Variants in RABGAP1L observed in about 807,000 individuals in gnomAD.
RABGAP1L encodes the protein RAB GTPase activating protein 1 like.
A neutral mutation model predicts 137.7 loss-of-function variants in RABGAP1L; 63 were observed. The observed-to-expected ratio is 0.46, with a 90% CI of 0.37 to 0.56. The LOEUF is 0.56. Among genes scored for constraint, RABGAP1L ranks in the 20% least tolerant of loss-of-function variants. The pLI, the probability that RABGAP1L is intolerant of heterozygous loss-of-function variation, is 0.00. For missense variants in RABGAP1L, 1,095 were observed against 1,244.0 expected, an observed-to-expected ratio of 0.88 and a Z score of 1.80; for synonymous variants, 431 against 433.7, an observed-to-expected ratio of 0.99 and a Z score of 0.08.
intron 19 of RABGAP1L, among the ~76,000 whole-genome samples, chr1:174,927,390 ATTTC>A (rs1207541600): frequency 6.6e-6 from 1 of 152,000 alleles, no homozygotes; most frequent in African/African-American, 2.4e-5. Context: ...TTATAGTAAT[ATTTC>A]TTCTTCTTTT....
At chr1:174,360,238 A>G (rs1001483848) in intron 11 of RABGAP1L, among the ~76,000 whole-genome samples, 2 of 98,848 alleles carry the variant, frequency 2.0e-5, no homozygotes, top group African/African-American at 1.8e-4. Context: ...GGATTGTTCA[A>G]AAGTTAAAAT....
chr1:174,658,754 C>G (rs1676154923), intron 14 of RABGAP1L, among the ~76,000 whole-genome samples: 2 of 152,100 alleles, frequency 1.3e-5, no homozygotes, highest in Non-Finnish European at 2.9e-5. Flanking sequence ...CTTGCTCTGC[C>G]TAATGGTTTC....
At position 174,448,878 on chromosome 1, in the gene RABGAP1L, G is replaced by T; in HGVS notation, c.1710+54733G>T. ...GAGGTAGATTCTTCCAGAGAGACTG[G>T]ACACAGCCCTGACCGTCGCTACGCC... On this transcript the variant is annotated intron_variant, in intron 13 of 25. Transcript: ENST00000681986. This position sits in a 1 kb window ranked among gnomAD's most constrained non-coding sequence, Gnocchi z 4.2. The T allele has an allele frequency of 1.2e-6, 2 of 1,613,768 alleles. No homozygotes were observed. The highest frequency in any genetic ancestry group is 2.2e-5 in the South Asian group (2 of 91,072).
intron 19 of RABGAP1L, among the ~76,000 whole-genome samples, chr1:174,895,599 C>CA (rs1657015196): frequency 6.6e-6 from 1 of 152,070 alleles, no homozygotes; most frequent in Non-Finnish European, 1.5e-5. Context: ...CCACTCCCCC[C>CA]ACCCCATGAC....
chr1:174,420,173 T>A (rs1189093073), intron 13 of RABGAP1L, among the ~76,000 whole-genome samples: 1 of 150,914 alleles, frequency 6.6e-6, no homozygotes, highest in Non-Finnish European at 1.5e-5. Flanking sequence ...TAACACAGAG[T>A]TTAAGGTTCT....
chr1:174,392,537 A>T (rs926692515), intron 12 of RABGAP1L, among the ~76,000 whole-genome samples: 6 of 152,264 alleles, frequency 3.9e-5, no homozygotes, highest in Non-Finnish European at 8.8e-5. Flanking sequence ...ACAAAAGCTT[A>T]GCTAGAAAAG....
chr1:174,936,107 C>A (rs899002803), intron 19 of RABGAP1L, among the ~76,000 whole-genome samples: 1 of 151,292 alleles, frequency 6.6e-6, no homozygotes, highest in African/African-American at 2.4e-5. Flanking sequence ...AAGCCAACCA[C>A]TAGTGCTGAT....
At chr1:174,916,741 T>C (rs996792371) in intron 19 of RABGAP1L, among the ~76,000 whole-genome samples, 29 of 152,174 alleles carry the variant, frequency 1.9e-4, no homozygotes, top group Non-Finnish European at 4.4e-5. Flanking sequence ...GTTTCACACA[T>C]TAATTTTATT....
At chr1:174,653,117 C>G (rs79893841) in intron 14 of RABGAP1L, among the ~76,000 whole-genome samples, 13,756 of 152,178 alleles carry the variant, frequency 0.09, 799 homozygotes, top group East Asian at 0.3. Context: ...ACCGCCTACT[C>G]CAGCCTCAGT....
In RABGAP1L at chr1:174,439,006, A is replaced by C. The variant is rs565668252; in HGVS notation, c.1710+44861A>C. On this transcript the variant is annotated intron_variant, in intron 13 of 25. Coordinates refer to ENST00000681986, the MANE Select transcript of RABGAP1L (RefSeq NM_001366446.1). ...TAGTGGGCTCTTGGGAAGACATTTT[A>C]GTATTTCTTATGTGCACAATTATAT... Among the ~76,000 whole-genome samples, 175 of 151,088 alleles carry C rather than the reference A, an allele frequency of 1.2e-3. No individual in the cohort carries two copies. In the Middle Eastern group the frequency reaches 0.021, roughly 18 times the overall value.
intron 19 of RABGAP1L, chr1:174,921,973 C>T (rs563132732): frequency 6.6e-6 from 1 of 152,330 alleles, no homozygotes. Flanking sequence ...TTTTGAAACA[C>T]TATTGAAATC....
rs139169084 is a variant in RABGAP1L, at chr1:174,445,313, T to C, written c.1710+51168T>C. 1.3e-3 allele frequency among the ~76,000 whole-genome samples: 200 copies of C among 152,316 alleles called. 1 individual carries two copies. Among genetic ancestry groups the C allele is most frequent in the African/African-American group, 4.5e-3 (186 of 41,584 alleles). On this transcript the variant is annotated intron_variant, in intron 13 of 25. Coordinates refer to ENST00000681986, the MANE Select transcript of RABGAP1L (RefSeq NM_001366446.1). ...TTTTAATGTCCATCAAATATTTGAT[T>C]AAATTAATTTGCATTGTTCTAATTT...
intron 12 of RABGAP1L, among the ~76,000 whole-genome samples, chr1:174,384,165 C>T (rs1003967685): frequency 6.6e-6 from 1 of 152,134 alleles, no homozygotes; most frequent in African/African-American, 2.4e-5. Flanking sequence ...TGACCTATGC[C>T]AAAGTCAAGT....
chr1:174,651,474 C>G (rs1339433923), intron 14 of RABGAP1L, among the ~76,000 whole-genome samples: 2 of 152,080 alleles, frequency 1.3e-5, no homozygotes, highest in Admixed American at 1.3e-4. Context: ...GAGTCTAAGT[C>G]TCTTGGTAGG....
chr1:174,265,105 G>A (rs952286355), intron 7 of RABGAP1L, among the ~76,000 whole-genome samples: 1 of 152,076 alleles, frequency 6.6e-6, no homozygotes, highest in Non-Finnish European at 1.5e-5. Context: ...GCTGTACAGG[G>A]GAAGATATTC....
At chr1:174,370,463 CTTTT>C (rs1183875194) in intron 11 of RABGAP1L, among the ~76,000 whole-genome samples, 32 of 37,872 alleles carry the variant, frequency 8.4e-4, no homozygotes, top group African/African-American at 3.4e-3. Context: ...TTAAAAATAC[CTTTT>C]TTTTTTTTTT....
chr1:174,663,390 G>T (rs1676533593), intron 14 of RABGAP1L, among the ~76,000 whole-genome samples: 2 of 152,152 alleles, frequency 1.3e-5, no homozygotes, highest in South Asian at 4.1e-4. Context: ...AGACTAAATA[G>T]TATATACTGT....
intron 18 of RABGAP1L, among the ~76,000 whole-genome samples, chr1:174,754,902 G>C (rs1684610097): frequency 6.6e-6 from 1 of 152,154 alleles, no homozygotes; most frequent in Non-Finnish European, 1.5e-5. Flanking sequence ...TGAGGGGACA[G>C]AACTAACATT....
At chr1:174,533,549 T>C (rs1015416847) in intron 13 of RABGAP1L, among the ~76,000 whole-genome samples, 2 of 152,232 alleles carry the variant, frequency 1.3e-5, no homozygotes, top group African/African-American at 2.4e-5. Flanking sequence ...TCCACTTCTA[T>C]TTAATAAATA....
Sources: gnomAD v4.1 joint callset for allele counts (sites outside exome capture counted in the v4.1 genomes callset) on GRCh38, gnomAD v4.1.1 for gene constraint, Gnocchi (gnomAD v3.1) non-coding constraint, MANE v1.5 for transcripts, NCBI Gene and HGNC (gene_info 2026-07-23, HGNC 2026-07-21) for gene names.